The following UBR2 variants were observed in gnomAD, a reference collection of about 807,000 sequenced individuals.
UBR2 encodes the protein ubiquitin protein ligase E3 component n-recognin 2.
UBR2 carries 92 observed loss-of-function variants against 247.9 expected under a neutral mutation model. That is an observed-to-expected ratio of 0.37 (90% CI 0.31 to 0.44). The LOEUF is 0.44. Ranked by LOEUF, UBR2 falls within the 20% of genes least tolerant of loss-of-function variation. UBR2 has a pLI of 1.00. For synonymous variants in UBR2, 672 were observed against 693.5 expected, an observed-to-expected ratio of 0.97 and a Z score of 0.49; for missense variants, 1,613 against 2,112.6, an observed-to-expected ratio of 0.76 and a Z score of 4.64.
At chr6:42,671,966 A>C (rs1376903315) in intron 36 of UBR2, among the ~76,000 whole-genome samples, 1 of 152,156 alleles carries the variant, frequency 6.6e-6, no homozygotes, top group African/African-American at 2.4e-5. Context: ...AATCCAAATT[A>C]ATTTTTCTTC....
chr6:42,682,533 C>T (rs563635001), intron 42 of UBR2, among the ~76,000 whole-genome samples: 1 of 152,216 alleles, frequency 6.6e-6, no homozygotes, highest in South Asian at 2.1e-4. Context: ...ACTCCTCCTG[C>T]CTCAGCTTCC....
At chr6:42,663,647 T>A (rs927824880) in intron 32 of UBR2, among the ~76,000 whole-genome samples, 1 of 152,220 alleles carries the variant, frequency 6.6e-6, no homozygotes, top group African/African-American at 2.4e-5. Context: ...CCTATGTATT[T>A]ATGAAAACCA....
intron 6 of UBR2, 106 bp from the exon 7 acceptor site, chr6:42,606,483 A>G: frequency 9.9e-7 from 1 of 1,005,648 alleles, no homozygotes. Context: ...TAAATATTGA[A>G]AATTGATCAG....
rs368035072 is a variant in UBR2 at position 42,689,712 on chromosome 6, G to A, written c.5126+42G>A. On this transcript the variant is annotated intron_variant, in intron 46 of 46. Transcript: ENST00000372901. This position sits in a 1 kb window ranked among gnomAD's most constrained non-coding sequence, Gnocchi z 4.0. ...AGTTAGCTAACTCAGGGCCTGCAGC[G>A]CCCTTCCGTATGTGGTGACGTCCTG... 33 of 1,550,540 alleles carry A rather than the reference G, an allele frequency of 2.1e-5. No homozygotes were observed. The highest frequency in any genetic ancestry group is 1.9e-4 in the South Asian group (17 of 88,098).
intron 26 of UBR2, among the ~76,000 whole-genome samples, 188 bp from the exon 27 acceptor site, chr6:42,657,836 G>A (rs1340170862): frequency 6.6e-6 from 1 of 151,964 alleles, no homozygotes; most frequent in African/African-American, 2.4e-5. Context: ...CTAGTTGTTG[G>A]CAACTTGTTT....
Position 42,691,048 on chromosome 6 carries a change from C to T in UBR2, c.5143C>T (p.His1715Tyr). The change falls in exon 47 of 47, where the codon CAT (histidine) becomes TAT (tyrosine). Residue 1715 changes from histidine (H) to tyrosine (Y), a missense_variant. His to Tyr is a moderately conservative substitution (Grantham distance 83). Around this residue, in one of 3 missense-constraint regions of UBR2, gnomAD observed 80 missense variants for 108.6 expected, o/e 0.74. Transcript: ENST00000372901. The stretch of plus-strand genomic sequence containing the variant: ...TCTTTCTAGACGGGGAAATCCTTTA[C>T]ATTTATGCAAAGAGCGATTCAAGAA... The part of the protein sequence containing the change: ...DQGLRRGNPL[H>Y]LCKERFKKIQ... The T allele has an allele frequency of 6.2e-7, 1 of 1,614,048 alleles. No homozygotes were observed. The highest frequency in any genetic ancestry group is 8.5e-7 in the Non-Finnish European group (1 of 1,180,020).
At chr6:42,669,443 TTC>T (rs1275637357) in intron 34 of UBR2, among the ~76,000 whole-genome samples, 1 of 152,230 alleles carries the variant, frequency 6.6e-6, no homozygotes. Flanking sequence ...TTTGAGGTAG[TTC>T]TGTTAGCTCA....
chr6:42,578,994 CACACAA>C (rs1447178609), intron 2 of UBR2, among the ~76,000 whole-genome samples: 1 of 146,708 alleles, frequency 6.8e-6, no homozygotes, highest in Non-Finnish European at 1.5e-5. Flanking sequence ...CACACACACA[CACACAA>C]ACTTGAAGTC....
intron 1 of UBR2, among the ~76,000 whole-genome samples, chr6:42,572,367 TAGA>T (rs1416113838): frequency 3.9e-5 from 6 of 152,128 alleles, no homozygotes; most frequent in Non-Finnish European, 7.4e-5. Context: ...ATGTTGTTTT[TAGA>T]AGGAGTGGTC....
At chr6:42,573,612 G>A (rs1791304851) in intron 1 of UBR2, 122 bp from the exon 2 acceptor site, 1 of 1,188,142 alleles carries the variant, frequency 8.4e-7, no homozygotes, top group Non-Finnish European at 1.1e-6. Context: ...GGTGAGTGTT[G>A]TAAACAAAAT....
intron 11 of UBR2, among the ~76,000 whole-genome samples, chr6:42,631,893 T>TATATAC (rs1422631490): frequency 2.1e-5 from 3 of 139,970 alleles, no homozygotes; most frequent in Middle Eastern, 3.7e-3. Flanking sequence ...TATATATAAA[T>TATATAC]ACAGGTTCTG....
chr6:42,657,277 T>G (rs1014636132), intron 26 of UBR2, among the ~76,000 whole-genome samples: 2 of 152,028 alleles, frequency 1.3e-5, no homozygotes, highest in Admixed American at 6.6e-5. Flanking sequence ...TTACTTTCTC[T>G]TTCCTTATTA....
Position 42,658,076 on chromosome 6 carries a change from A to C in UBR2, c.2925A>C (p.Thr975=). The C allele has an allele frequency of 6.2e-7, 1 of 1,614,136 alleles. No homozygotes were observed. Among genetic ancestry groups the C allele is most frequent in the Non-Finnish European group, 8.5e-7 (1 of 1,179,984 alleles). The stretch of plus-strand genomic sequence containing the variant: ...CTAGCATACTAGCTATGCTGGAAAC[A>C]CTACAAAATGCTCCCTACCTAGAAG... The part of the protein sequence containing the change: ...NSPSILAMLE[T]LQNAPYLEVH... The change falls in exon 27 of 47, where the codon ACA becomes ACC. Residue 975 remains threonine (T), a synonymous_variant. Coordinates refer to ENST00000372901, the MANE Select transcript of UBR2 (RefSeq NM_001363705.2).
intron 18 of UBR2, among the ~76,000 whole-genome samples, chr6:42,643,587 C>T (rs570293622): frequency 3.9e-5 from 6 of 152,070 alleles, no homozygotes; most frequent in African/African-American, 1.2e-4. Context: ...CAGAGTGAGA[C>T]TCCGTCTCAA....
chr6:42,693,450 T>C lies in UBR2; in HGVS notation c.*2277T>C, dbSNP rs1221567184. The C allele has an allele frequency of 6.6e-6, 1 of 152,258 alleles. No individual in the cohort carries two copies. The highest frequency in any genetic ancestry group is 6.5e-5 in the Admixed American group (1 of 15,288). The allele number at this position is 152,258 out of a possible 1,614,324, so 9.4% of individuals were successfully genotyped here. A position where few individuals can be genotyped will look rare whatever the true frequency, so the allele number is the denominator to read the frequency against. On this transcript the variant is annotated 3_prime_UTR_variant, in exon 47 of 47. Coordinates refer to ENST00000372901, the MANE Select transcript of UBR2 (RefSeq NM_001363705.2). The stretch of plus-strand genomic sequence containing the variant: ...TGGACAACTTGTAAAATTTGGAATG[T>C]ATCATATGTAAAAAGTTTAAAGATA...
At chr6:42,619,495 T>C in intron 11 of UBR2, 1 of 211,482 alleles carries the variant, frequency 4.7e-6, no homozygotes, top group Non-Finnish European at 8.6e-6. Context: ...GCGCAGTGGC[T>C]CACCTCTGTA....
At chr6:42,688,137 T>A (rs1035676148) in intron 44 of UBR2, 79 bp from the exon 45 acceptor site, 25 of 1,572,408 alleles carry the variant, frequency 1.6e-5, no homozygotes, top group Non-Finnish European at 2.1e-5. Context: ...GCAGAATTCT[T>A]TTCTGGGCTG....
At chr6:42,660,014 T>G (rs2151974255) in intron 30 of UBR2, among the ~76,000 whole-genome samples, 159 bp downstream of exon 30, 1 of 152,324 alleles carries the variant, frequency 6.6e-6, no homozygotes, top group South Asian at 2.1e-4. Context: ...TTGGCAGATG[T>G]GGAACCACTC....
chr6:42,677,347 A>G (rs1294426385), intron 40 of UBR2, among the ~76,000 whole-genome samples: 1 of 152,246 alleles, frequency 6.6e-6, no homozygotes, highest in Admixed American at 6.5e-5. Context: ...TAGTTTGCTT[A>G]GCTTTCAACA....
Sources: gnomAD v4.1 joint callset for allele counts (sites outside exome capture counted in the v4.1 genomes callset) on GRCh38, gnomAD v4.1.1 for gene constraint, gnomAD v4.1.1 regional missense constraint, Gnocchi (gnomAD v3.1) non-coding constraint, MANE v1.5 for transcripts, NCBI Gene and HGNC (gene_info 2026-07-23, HGNC 2026-07-21) for gene names.